The following TMX2 variants were observed in gnomAD, a reference collection of about 807,000 sequenced individuals.
TMX2 encodes the protein thioredoxin related transmembrane protein 2, also known as thioredoxin-related transmembrane protein 2.
Under a neutral mutation model 33.4 loss-of-function variants are expected in TMX2, and 20 were observed. That is an observed-to-expected ratio of 0.60 (90% confidence interval 0.42 to 0.87). The LOEUF is 0.87. Among genes scored for constraint, TMX2 ranks in the 40% least tolerant of loss-of-function variants. The pLI is 0.00. For missense variants in TMX2, 340 were observed against 370.7 expected (o/e 0.92, Z 0.68); for synonymous variants, 166 against 140.7 (o/e 1.18, Z -1.27).
chr11:57,724,485 C>T (rs1459454988), intron 1 of TMX2, among the ~76,000 whole-genome samples: 1 of 151,998 alleles, frequency 6.6e-6, no homozygotes, highest in Non-Finnish European at 1.5e-5. Flanking sequence ...GGGTGCCCTC[C>T]TACAGAATCA....
chr11:57,738,494 C>T, intron 4 of TMX2, 64 bp downstream of exon 4: 1 of 1,354,936 alleles, frequency 7.4e-7, no homozygotes, highest in Non-Finnish European at 1.1e-6. Flanking sequence ...GTTGTGCTCT[C>T]CATTCACTAG....
intron 1 of TMX2, among the ~76,000 whole-genome samples, chr11:57,722,458 C>T (rs566746288): frequency 1.3e-5 from 2 of 152,306 alleles, no homozygotes; most frequent in East Asian, 3.8e-4. Flanking sequence ...GTAACTTTTA[C>T]TAATTATCTA....
chr11:57,738,600 A>C, intron 4 of TMX2, 64 bp from the exon 5 acceptor site: 1 of 1,445,908 alleles, frequency 6.9e-7, no homozygotes, highest in Non-Finnish European at 9.7e-7. Flanking sequence ...ATTAGATGCT[A>C]AAGTCTGAAC....
At chr11:57,725,747 A>G (rs1055357710) in intron 1 of TMX2, among the ~76,000 whole-genome samples, 1 of 152,044 alleles carries the variant, frequency 6.6e-6, no homozygotes, top group African/African-American at 2.4e-5. Context: ...CGAAGAAAAA[A>G]AAAAGGTCAA....
intron 1 of TMX2, among the ~76,000 whole-genome samples, chr11:57,721,616 T>C (rs1321640153): frequency 6.6e-6 from 1 of 152,144 alleles, no homozygotes; most frequent in East Asian, 1.9e-4. Flanking sequence ...GTGCCTGGTC[T>C]AAAATGTTTT....
chr11:57,726,428 T>TA (rs1157872149), intron 1 of TMX2, among the ~76,000 whole-genome samples: 40 of 146,636 alleles, frequency 2.7e-4, no homozygotes, highest in Non-Finnish European at 4.7e-4. Flanking sequence ...AAGATAAGAT[T>TA]AAAAAAAAAA....
At chr11:57,726,560 A>G (rs934119022) in intron 1 of TMX2, among the ~76,000 whole-genome samples, 1 of 151,698 alleles carries the variant, frequency 6.6e-6, no homozygotes, top group Admixed American at 6.6e-5. Flanking sequence ...ACAATTGACT[A>G]TAAGTCTTTT....
intron 1 of TMX2, among the ~76,000 whole-genome samples, chr11:57,723,094 G>C (rs1947742529): frequency 6.6e-6 from 1 of 151,928 alleles, no homozygotes; most frequent in Non-Finnish European, 1.5e-5. Flanking sequence ...CTGGAGGATA[G>C]AGCAAGACTC....
In TMX2 at chr11:57,740,431, G is replaced by A. The variant is rs781281307; in HGVS notation, c.*186G>A. 4.7e-5 allele frequency: 29 copies of A among 618,498 alleles called. No individual in the cohort carries two copies. The highest frequency in any genetic ancestry group is 7.1e-5 in the Non-Finnish European group (27 of 381,554). The allele number at this position is 618,498 out of a possible 1,614,324, so 38.3% of individuals were successfully genotyped here. A position where few individuals can be genotyped will look rare whatever the true frequency, so the allele number is the denominator to read the frequency against. On this transcript the variant is annotated 3_prime_UTR_variant, in exon 8 of 8. Transcript: ENST00000278422. ...GGCACCCTACAGGAAGGCCTGCCATGCTGTGGCCAACTGTTTCACTGGAGC... is the reference window on the plus strand; with the variant it reads ...GGCACCCTACAGGAAGGCCTGCCATACTGTGGCCAACTGTTTCACTGGAGC...
chr11:57,739,949 G>T, intron 7 of TMX2, 150 bp from the exon 8 acceptor site: 2 of 983,606 alleles, frequency 2.0e-6, no homozygotes, highest in East Asian at 2.5e-5. Flanking sequence ...TGACTTTTCT[G>T]GGTACCTAAA....
intron 1 of TMX2, among the ~76,000 whole-genome samples, chr11:57,719,033 A>ATTT (rs1191976911): frequency 6.4e-4 from 45 of 70,600 alleles, no homozygotes; most frequent in Middle Eastern, 0.013. Flanking sequence ...ATATATATAT[A>ATTT]TTTTTTTTTT....
intron 7 of TMX2, 148 bp downstream of exon 7, chr11:57,739,408 T>C: frequency 2.7e-6 from 2 of 747,560 alleles, no homozygotes; most frequent in Non-Finnish European, 4.4e-6. Context: ...TTAATTCATT[T>C]AGCAAATATA....
chr11:57,718,945 G>A (rs999806474), intron 1 of TMX2, among the ~76,000 whole-genome samples: 2 of 150,452 alleles, frequency 1.3e-5, no homozygotes, highest in African/African-American at 2.4e-5. Context: ...GTGAGCCACC[G>A]CGCCCAGCCA....
At chr11:57,717,352 G>A (rs1468845082) in intron 1 of TMX2, among the ~76,000 whole-genome samples, 1 of 152,086 alleles carries the variant, frequency 6.6e-6, no homozygotes, top group Admixed American at 6.5e-5. Flanking sequence ...CAAGGCAGGC[G>A]GCTGGGAGAT....
At position 57,712,800 on chromosome 11, in the gene TMX2, TTGAC is replaced by T; in HGVS notation, c.185_188del (p.Asp62GlyfsTer7). On this transcript the variant is annotated frameshift_variant, in exon 1 of 8. Transcript: ENST00000278422. LOFTEE classifies it high-confidence loss of function. ...CGCGAAGACGGTAACCCGTGTGACT[TTGAC>T]TGGGTGAGCCTCCCGCGTGTTAGTA... The T allele has an allele frequency of 9.3e-6, 15 of 1,614,044 alleles. No homozygotes were observed. The highest frequency in any genetic ancestry group is 2.2e-5 in the East Asian group (1 of 44,884).
chr11:57,738,823 C>T, intron 5 of TMX2, 53 bp downstream of exon 5: 1 of 1,571,402 alleles, frequency 6.4e-7, no homozygotes, highest in Non-Finnish European at 8.8e-7. Context: ...TGCCTTCCCT[C>T]TCACTGTTTT....
At chr11:57,738,906 T>G in intron 5 of TMX2, 68 bp from the exon 6 acceptor site, 2 of 1,564,218 alleles carry the variant, frequency 1.3e-6, no homozygotes, top group Non-Finnish European at 1.8e-6. Context: ...CCCTCTTAAA[T>G]ATCTATACTT....
At chr11:57,730,376 G>C (rs1290466851) in intron 1 of TMX2, among the ~76,000 whole-genome samples, 1 of 126,494 alleles carries the variant, frequency 7.9e-6, no homozygotes, top group African/African-American at 3.0e-5. Context: ...GCAGTGAGCC[G>C]AGATCACACC....
chr11:57,738,006 T>C lies in TMX2; in HGVS notation c.344T>C (p.Leu115Pro). 1 of 1,613,746 alleles carries C rather than the reference T, an allele frequency of 6.2e-7. No homozygotes were observed. Among genetic ancestry groups the C allele is most frequent in the Non-Finnish European group, 8.5e-7 (1 of 1,179,710 alleles). ...CGCTTGGATATTCGCATGGGCCTAC[T>C]TTACATCACACTCTGCATAGGTGAG... is the stretch of plus-strand genomic sequence containing the variant. ...FFRLDIRMGLLYITLCIVFLM... is the reference protein window; with the variant it reads ...FFRLDIRMGLPYITLCIVFLM... Residue 115 changes from leucine (L) to proline (P), a missense_variant, in exon 3 of 8, where the codon CTT becomes CCT. Leu to Pro is a moderately conservative substitution (Grantham distance 98). This residue lies in a region of TMX2 where 209 missense variants were observed against 241.6 expected (regional missense o/e 0.87). Transcript: ENST00000278422.
Sources: gnomAD v4.1 joint callset for allele counts (sites outside exome capture counted in the v4.1 genomes callset) on GRCh38, gnomAD v4.1.1 for gene constraint, gnomAD v4.1.1 regional missense constraint, MANE v1.5 for transcripts, NCBI Gene and HGNC (gene_info 2026-07-23, HGNC 2026-07-21) for gene names.